The following AGBL3 variants were observed in gnomAD, a reference collection of about 807,000 sequenced individuals.
The protein encoded by AGBL3 is AGBL carboxypeptidase 3, also known as cytosolic carboxypeptidase 3.
In AGBL3, 68 loss-of-function variants were observed where a neutral mutation model predicts 94.5. The observed-to-expected ratio is 0.72, with a 90% confidence interval of 0.59 to 0.88. AGBL3 has a LOEUF of 0.88. Among genes scored for constraint, AGBL3 ranks in the 40% least tolerant of loss-of-function variants. AGBL3 has a pLI of 0.00. For missense variants in AGBL3, 934 were observed against 1,103.8 expected, an observed-to-expected ratio of 0.85 and a Z score of 2.18; for synonymous variants, 354 against 370.7, an observed-to-expected ratio of 0.95 and a Z score of 0.52.
At chr7:135,062,165 T>C (rs1818892823) in intron 12 of AGBL3, among the ~76,000 whole-genome samples, 1 of 152,098 alleles carries the variant, frequency 6.6e-6, no homozygotes, top group Non-Finnish European at 1.5e-5. Context: ...AATGGAATTA[T>C]GTTCTTGATT....
In AGBL3 at chr7:135,017,498, T is replaced by A. The variant is rs191400485; in HGVS notation, c.418+339T>A. Among the ~76,000 whole-genome samples, 91 of 152,362 alleles carry A rather than the reference T, an allele frequency of 6.0e-4. No individual in the cohort carries two copies. In the East Asian group the frequency reaches 0.014, roughly 24 times the overall value. ...GTTCCCTCTCCATGTATGGCTCACA[T>A]TCATGCATTCGTTCAGATGTTTTTC... On this transcript the variant is annotated intron_variant, in intron 5 of 16. Coordinates refer to ENST00000436302, the MANE Select transcript of AGBL3 (RefSeq NM_178563.4).
chr7:135,102,668 C>T (rs1824027930), intron 15 of AGBL3, among the ~76,000 whole-genome samples: 2 of 151,218 alleles, frequency 1.3e-5, no homozygotes, highest in Admixed American at 1.3e-4. Flanking sequence ...GGTTTTACCC[C>T]ATCTCCCATC....
At chr7:135,049,552 T>G (rs1034887361) in intron 11 of AGBL3, among the ~76,000 whole-genome samples, 2 of 151,990 alleles carry the variant, frequency 1.3e-5, no homozygotes, top group African/African-American at 2.4e-5. Context: ...TCCTGGGCTT[T>G]CTTTGTTAAG....
chr7:134,996,419 A>G (rs1467936803), intron 4 of AGBL3, among the ~76,000 whole-genome samples: 1 of 152,228 alleles, frequency 6.6e-6, no homozygotes, highest in Non-Finnish European at 1.5e-5. Context: ...GGGGAGTTTC[A>G]GACAGTAAAC....
intron 15 of AGBL3, among the ~76,000 whole-genome samples, chr7:135,100,433 A>C (rs189078137): frequency 3.1e-4 from 47 of 152,312 alleles, no homozygotes; most frequent in Admixed American, 2.5e-3. Flanking sequence ...CCCCTTACTT[A>C]GGAATAATAT....
chr7:135,071,986 T>C, intron 12 of AGBL3, among the ~76,000 whole-genome samples: 1 of 152,032 alleles, frequency 6.6e-6, no homozygotes, highest in Non-Finnish European at 1.5e-5. Flanking sequence ...ACCTATAGAA[T>C]GGGAGAAAAT....
chr7:135,062,145 A>G (rs1479831258), intron 12 of AGBL3, among the ~76,000 whole-genome samples: 1 of 151,954 alleles, frequency 6.6e-6, no homozygotes. Context: ...TATTTTTTGT[A>G]GATATTATAA....
At chr7:135,080,396 G>A (rs10215144) in intron 14 of AGBL3, 136 bp downstream of exon 14, 326,432 of 644,656 alleles carry the variant, frequency 0.51, 85,591 homozygotes, top group South Asian at 0.66. Context: ...TTTCTTCCCT[G>A]CAGGACCTCA....
Position 135,001,776 on chromosome 7 carries a change from C to T in AGBL3, c.310+8098C>T, listed in dbSNP as rs541662308. On this transcript the variant is annotated intron_variant, in intron 4 of 16. Coordinates refer to ENST00000436302, the MANE Select transcript of AGBL3 (RefSeq NM_178563.4). Reference sequence around the variant, plus strand: ...TAGCTTGGACCAGCTGAAATTCAAGCTTGGCCCAGTGTCAGGATTTGCCTC... The same window carrying T: ...TAGCTTGGACCAGCTGAAATTCAAGTTTGGCCCAGTGTCAGGATTTGCCTC... Among the ~76,000 whole-genome samples the T allele has an allele frequency of 5.9e-5, 9 of 152,298 alleles. No individual in the cohort carries two copies. In the South Asian group the frequency reaches 6.2e-4, roughly 11 times the overall value.
intron 5 of AGBL3, among the ~76,000 whole-genome samples, chr7:135,024,782 T>G (rs1235195970): frequency 6.6e-6 from 1 of 152,152 alleles, no homozygotes; most frequent in African/African-American, 2.4e-5. Context: ...AATAGCCATT[T>G]TAAGAAAAAA....
chr7:135,062,197 TTTG>T (rs1417739497), intron 12 of AGBL3, among the ~76,000 whole-genome samples: 1 of 152,062 alleles, frequency 6.6e-6, no homozygotes, highest in Non-Finnish European at 1.5e-5. Flanking sequence ...TTTTAGATAG[TTTG>T]TTATTAATCA....
intron 12 of AGBL3, among the ~76,000 whole-genome samples, chr7:135,070,525 C>A (rs1389245072): frequency 6.6e-6 from 1 of 152,150 alleles, no homozygotes; most frequent in African/African-American, 2.4e-5. Flanking sequence ...AGCTTATCCA[C>A]CATAATCAAG....
At position 135,128,943 on chromosome 7, in the gene AGBL3, A is replaced by G. The variant is rs1387230787; in HGVS notation, c.2343-5898A>G. 7 of 1,568,062 alleles carry G rather than the reference A, an allele frequency of 4.5e-6. No individual in the cohort carries two copies. In the African/African-American group the frequency reaches 5.4e-5, roughly 12 times the overall value. Reference sequence around the variant, plus strand: ...GTTCCTGTGCAATATCTGTTTCTGTAAGAAGCTGGGTAGTGAATGCATGTA... The same window carrying G: ...GTTCCTGTGCAATATCTGTTTCTGTGAGAAGCTGGGTAGTGAATGCATGTA... On this transcript the variant is annotated intron_variant, in intron 16 of 16. Transcript: ENST00000436302.
chr7:135,061,479 G>A (rs999648530), intron 12 of AGBL3, among the ~76,000 whole-genome samples: 3 of 151,960 alleles, frequency 2.0e-5, no homozygotes, highest in Admixed American at 6.6e-5. Flanking sequence ...CAATGTCATC[G>A]AGCCTTTCCC....
chr7:135,112,448 C>G (rs1301108283), intron 15 of AGBL3, among the ~76,000 whole-genome samples: 2 of 152,174 alleles, frequency 1.3e-5, no homozygotes, highest in South Asian at 2.1e-4. Flanking sequence ...TCATACCTAC[C>G]TGATATCCCA....
At chr7:135,098,997 TTAC>T (rs1355733289) in intron 15 of AGBL3, among the ~76,000 whole-genome samples, 1 of 152,196 alleles carries the variant, frequency 6.6e-6, no homozygotes, top group Non-Finnish European at 1.5e-5. Flanking sequence ...TGTTCTACTA[TTAC>T]TACTAATTGC....
chr7:135,058,202 T>G lies in AGBL3; in HGVS notation c.1842-967T>G, dbSNP rs563154061. Among the ~76,000 whole-genome samples the G allele has an allele frequency of 2.0e-5, 3 of 152,320 alleles. No homozygotes were observed. In the East Asian group the frequency reaches 5.8e-4, roughly 29 times the overall value. On this transcript the variant is annotated intron_variant, in intron 11 of 16. Transcript: ENST00000436302. ...AAGTTATGCAGGGAATGGGGGCATG[T>G]GTATGGGAACTCTGTACTACCTGCT...
intron 5 of AGBL3, among the ~76,000 whole-genome samples, chr7:135,019,075 TA>T (rs1260074573): frequency 6.6e-6 from 1 of 152,226 alleles, no homozygotes; most frequent in Non-Finnish European, 1.5e-5. Flanking sequence ...TTTAGCTTCA[TA>T]TAAATTCAGT....
chr7:135,037,487 C>T lies in AGBL3; in HGVS notation c.1407C>T (p.Phe469=), dbSNP rs904327871. The T allele has an allele frequency of 1.9e-6, 3 of 1,550,210 alleles. No individual in the cohort carries two copies. The highest frequency in any genetic ancestry group is 2.7e-5 in the African/African-American group (2 of 73,018). ...LHGHSRKENI[F]MYGCDGSDRS... ...GCCATAGTAGGAAAGAGAACATCTTCATGTATGGCTGTGATGGTAGTGACA... is the reference window on the plus strand; with the variant it reads ...GCCATAGTAGGAAAGAGAACATCTTTATGTATGGCTGTGATGGTAGTGACA... Residue 469 remains phenylalanine (F), a synonymous_variant, in exon 8 of 17, where the codon TTC becomes TTT. Coordinates refer to ENST00000436302, the MANE Select transcript of AGBL3 (RefSeq NM_178563.4).
Sources: gnomAD v4.1 joint callset for allele counts (sites outside exome capture counted in the v4.1 genomes callset) on GRCh38, gnomAD v4.1.1 for gene constraint, MANE v1.5 for transcripts, NCBI Gene and HGNC (gene_info 2026-07-23, HGNC 2026-07-21) for gene names.